ESF1: variants seen among roughly 807,000 people sequenced by gnomAD.
ESF1 encodes ESF1 nucleolar pre-rRNA processing protein.
ESF1 carries 58 observed loss-of-function variants against 92.0 expected under a neutral mutation model. That is an observed-to-expected ratio of 0.63 (90% CI 0.51 to 0.78). The LOEUF (loss-of-function observed/expected upper bound fraction) is 0.78. ESF1 is among the 30% of genes least tolerant of loss of function. The probability of loss-of-function intolerance (pLI) is 0.00; values close to 1 mark genes in which losing one functional copy is unlikely to be tolerated. For missense variants in ESF1, 922 were observed against 989.1 expected (o/e 0.93, Z 0.91); for synonymous variants, 321 against 313.7 (o/e 1.02, Z -0.24).
At chr20:13,775,831 A>G in intron 3 of ESF1, 42 bp downstream of exon 3, 1 of 1,550,030 alleles carries the variant, frequency 6.5e-7, no homozygotes, top group South Asian at 1.3e-5. Flanking sequence ...AGCTGCTTGT[A>G]CTGTGTTTTT....
chr20:13,778,603 T>C (rs1849651682), intron 2 of ESF1, among the ~76,000 whole-genome samples: 1 of 152,114 alleles, frequency 6.6e-6, no homozygotes, highest in Admixed American at 6.6e-5. Context: ...GAAGTTTGAG[T>C]ATCATCAAAA....
intron 1 of ESF1, 44 bp from the exon 2 acceptor site, chr20:13,783,227 C>A (rs1302172064): frequency 1.5e-6 from 2 of 1,302,696 alleles, no homozygotes; most frequent in Middle Eastern, 2.6e-4. Flanking sequence ...ATGGTTAGTA[C>A]AATAATTAAA....
intron 1 of ESF1, 85 bp downstream of exon 1, chr20:13,784,795 G>C (rs1980589906): frequency 1.9e-6 from 1 of 523,354 alleles, no homozygotes; most frequent in African/African-American, 1.9e-5. Flanking sequence ...TCCTGTTAGA[G>C]ACTAGTTTTT....
At chr20:13,776,751 AAGTG>A (rs1488567045) in intron 2 of ESF1, among the ~76,000 whole-genome samples, 1 of 152,222 alleles carries the variant, frequency 6.6e-6, no homozygotes, top group African/African-American at 2.4e-5. Flanking sequence ...TGGGGTCCCT[AAGTG>A]AGTGATAACT....
intron 5 of ESF1, among the ~76,000 whole-genome samples, chr20:13,771,998 C>T (rs1030650819): frequency 3.7e-4 from 55 of 148,406 alleles, no homozygotes; most frequent in Non-Finnish European, 6.1e-4. Context: ...TCTCCTGTCA[C>T]TAATCTATTT....
At chr20:13,774,695 T>C (rs1979844802) in intron 4 of ESF1, among the ~76,000 whole-genome samples, 1 of 152,338 alleles carries the variant, frequency 6.6e-6, no homozygotes, top group Admixed American at 6.5e-5. Flanking sequence ...AATTATTAGG[T>C]TGGCTTGAAA....
At chr20:13,734,447 A>G (rs1600271805) in intron 9 of ESF1, among the ~76,000 whole-genome samples, 1 of 152,206 alleles carries the variant, frequency 6.6e-6, no homozygotes, top group African/African-American at 2.4e-5. Flanking sequence ...CCAAGTTCAG[A>G]TTCCATTTCA....
intron 9 of ESF1, among the ~76,000 whole-genome samples, chr20:13,757,646 C>T (rs1978959739): frequency 6.6e-6 from 1 of 152,122 alleles, no homozygotes; most frequent in Non-Finnish European, 1.5e-5. Flanking sequence ...TCAAGTAATC[C>T]ACCCACCTTG....
intron 1 of ESF1, among the ~76,000 whole-genome samples, chr20:13,784,284 A>ACCC (rs35274784): frequency 0.037 from 5,258 of 143,758 alleles, 121 homozygotes; most frequent in Non-Finnish European, 0.052. Flanking sequence ...TTATTAAGCA[A>ACCC]CCCCCCCCCA....
At chr20:13,723,829 T>G (rs929202259) in intron 11 of ESF1, among the ~76,000 whole-genome samples, 1 of 152,214 alleles carries the variant, frequency 6.6e-6, no homozygotes, top group African/African-American at 2.4e-5. Context: ...CATTATATCT[T>G]AAATATTTTT....
intron 8 of ESF1, among the ~76,000 whole-genome samples, chr20:13,765,605 A>G (rs1317673923): frequency 6.6e-6 from 1 of 152,214 alleles, no homozygotes; most frequent in Non-Finnish European, 1.5e-5. Flanking sequence ...GGGAATTTCA[A>G]TTAGTACCCT....
chr20:13,719,438 T>C (rs1181097345), intron 11 of ESF1, among the ~76,000 whole-genome samples: 1 of 152,094 alleles, frequency 6.6e-6, no homozygotes, highest in African/African-American at 2.4e-5. Context: ...ACATAGTGTA[T>C]TAACGTGTAC....
intron 8 of ESF1, chr20:13,762,720 T>G (rs1193815092): frequency 3.3e-6 from 1 of 302,612 alleles, no homozygotes; most frequent in Non-Finnish European, 6.3e-6. Flanking sequence ...TTAAGGCATT[T>G]GAATATGCTG....
intron 12 of ESF1, among the ~76,000 whole-genome samples, 178 bp downstream of exon 12, chr20:13,718,729 TA>T (rs979937432): frequency 4.2e-5 from 6 of 141,610 alleles, no homozygotes. Flanking sequence ...TTATGTTTGG[TA>T]AAAAAAACAC....
intron 8 of ESF1, among the ~76,000 whole-genome samples, chr20:13,763,410 A>T (rs1315455326): frequency 6.6e-6 from 1 of 152,218 alleles, no homozygotes; most frequent in Non-Finnish European, 1.5e-5. Context: ...TAATGCCAAA[A>T]AATGTCATTT....
intron 11 of ESF1, among the ~76,000 whole-genome samples, chr20:13,725,950 A>C (rs1341580644): frequency 6.6e-6 from 1 of 152,168 alleles, no homozygotes; most frequent in Non-Finnish European, 1.5e-5. Context: ...TCCTCAGTAA[A>C]TGGAAGAACA....
Position 13,771,405 on chromosome 20 carries a change from C to T in ESF1, c.1329G>A (p.Pro443=), listed in dbSNP as rs373570368. ...CCTCATAAATTTTACTAGCTGTTTC[C>T]GGAGAATCACAGTCTACTACTGCAT... The part of the protein sequence containing the change: ...YYYAVVDCDS[P]ETASKIYEDC... Residue 443 remains proline (P), a synonymous_variant, in exon 6 of 14, where the codon CCG becomes CCA. Transcript: ENST00000617257. 56 of 1,612,958 alleles carry T rather than the reference C, an allele frequency of 3.5e-5. No homozygotes were observed. Among genetic ancestry groups the T allele is most frequent in the Non-Finnish European group, 4.2e-5 (49 of 1,179,346 alleles).
chr20:13,768,058 T>C (rs1375452212), intron 7 of ESF1, among the ~76,000 whole-genome samples: 1 of 152,240 alleles, frequency 6.6e-6, no homozygotes. Context: ...CTGATCATTA[T>C]GTTGGTTCTG....
intron 9 of ESF1, among the ~76,000 whole-genome samples, chr20:13,748,134 G>A (rs1978363779): frequency 6.6e-6 from 1 of 152,154 alleles, no homozygotes; most frequent in South Asian, 2.1e-4. Context: ...GGGTATGACT[G>A]CATTTTCCAT....
Sources: gnomAD v4.1 joint callset for allele counts (sites outside exome capture counted in the v4.1 genomes callset) on GRCh38, gnomAD v4.1.1 for gene constraint, MANE v1.5 for transcripts, NCBI Gene and HGNC (gene_info 2026-07-23, HGNC 2026-07-21) for gene names.